Variants in ZFHX3 observed in about 807,000 individuals in gnomAD.
ZFHX3 encodes the protein zinc finger homeobox protein 3.
In ZFHX3, 42 loss-of-function variants were observed where a neutral mutation model predicts 279.1. That is an observed-to-expected ratio of 0.15 (90% CI 0.12 to 0.19). The LOEUF is 0.19. Ranked by LOEUF, ZFHX3 falls within the 10% of genes least tolerant of loss-of-function variation. The pLI is 1.00. For synonymous variants in ZFHX3, 2,293 were observed against 1,957.8 expected (o/e 1.17, Z -4.52); for missense variants, 4,981 against 4,754.0 (o/e 1.05, Z -1.40).
chr16:73,447,180 C>CAAA lies in ZFHX3; in HGVS notation c.-1291+8820_-1291+8822dup, dbSNP rs61445002. Among the ~76,000 whole-genome samples the CAAA allele has an allele frequency of 2.3e-3, 207 of 90,558 alleles. 1 individual carries two copies. Among genetic ancestry groups the CAAA allele is most frequent in the African/African-American group, 7.0e-3 (199 of 28,308 alleles). 59.4% of individuals were successfully genotyped at this position (90,558 alleles called of 152,430 possible). A position where few individuals can be genotyped will look rare whatever the true frequency, so the allele number is the denominator to read the frequency against. The stretch of plus-strand genomic sequence containing the variant: ...TGGGCAACAGAGCAAGACTCCATCT[C>CAAA]AAAAAAAAAAAAAAAAATGTAAAAC... On this transcript the variant is annotated intron_variant, in intron 3 of 17. Transcript: ENST00000641206.
intron 6 of ZFHX3, among the ~76,000 whole-genome samples, chr16:73,139,149 A>T (rs1461062518): frequency 6.6e-6 from 1 of 151,564 alleles, no homozygotes; most frequent in African/African-American, 2.4e-5. Context: ...TTCATTGTTT[A>T]CAACATCACT....
chr16:73,212,218 C>G lies in ZFHX3; in HGVS notation c.-1104+44829G>C, dbSNP rs137996551. Among the ~76,000 whole-genome samples, 168 of 150,978 alleles carry G rather than the reference C, an allele frequency of 1.1e-3. 1 individual carries two copies. The East Asian group carries it at 0.018, about 16-fold the overall frequency. Reference sequence around the variant, plus strand: ...ACTACCCTGAGATCACAGCTATAAACTTTGGTGACAACTTATTAGCCTGTT... The same window carrying G: ...ACTACCCTGAGATCACAGCTATAAAGTTTGGTGACAACTTATTAGCCTGTT... On this transcript the variant is annotated intron_variant, in intron 5 of 17. Coordinates refer to the ZFHX3 transcript ENST00000641206.
intron 5 of ZFHX3, among the ~76,000 whole-genome samples, chr16:73,202,406 T>C (rs947708156): frequency 2.0e-5 from 3 of 152,236 alleles, no homozygotes; most frequent in Non-Finnish European, 4.4e-5. Context: ...GAAGAAAATA[T>C]GAACCTCACC....
At chr16:73,563,039 A>T (rs1404873504) in intron 2 of ZFHX3, among the ~76,000 whole-genome samples, 2 of 152,124 alleles carry the variant, frequency 1.3e-5, no homozygotes, top group Non-Finnish European at 2.9e-5. Context: ...GCTCTGGAAA[A>T]TTTCAGTTAA....
chr16:73,768,398 A>G (rs2053978450), intron 1 of ZFHX3, among the ~76,000 whole-genome samples: 1 of 152,192 alleles, frequency 6.6e-6, no homozygotes, highest in Non-Finnish European at 1.5e-5. Context: ...GTTATTACTC[A>G]ATGTTACTTT....
chr16:73,135,043 T>A (rs561877024), intron 6 of ZFHX3, among the ~76,000 whole-genome samples: 1 of 152,296 alleles, frequency 6.6e-6, no homozygotes, highest in Admixed American at 6.5e-5. Flanking sequence ...TACTGCATCA[T>A]TACTTAGTAA....
At chr16:73,201,196 G>T (rs1053793523) in intron 5 of ZFHX3, among the ~76,000 whole-genome samples, 1 of 152,208 alleles carries the variant, frequency 6.6e-6, no homozygotes, top group Non-Finnish European at 1.5e-5. Flanking sequence ...TTGGCAATGG[G>T]GGGGCTCTGT....
At chr16:73,189,286 G>A (rs1032384712) in intron 5 of ZFHX3, among the ~76,000 whole-genome samples, 9 of 152,156 alleles carry the variant, frequency 5.9e-5, no homozygotes, top group African/African-American at 1.9e-4. Flanking sequence ...AACCCTTTCC[G>A]GGCATGCCAA....
rs2035839423 is a variant in ZFHX3, at chr16:72,794,774, T to C, written c.7908A>G (p.Glu2636=). 6.2e-7 allele frequency: 1 copy of C among 1,614,230 alleles called. No individual in the cohort carries two copies. Among genetic ancestry groups the C allele is most frequent in the African/African-American group, 1.3e-5 (1 of 75,070 alleles). The change falls in exon 9 of 10, where the codon GAA becomes GAG. Residue 2636 remains glutamate, a synonymous_variant. Transcript: ENST00000268489. This position sits in a 1 kb window ranked among gnomAD's most constrained non-coding sequence, Gnocchi z 4.2. ...PGENDSGTGG[E]EPQRDKRLRT... is the part of the protein sequence containing the mutation. Reference sequence around the variant, plus strand: ...TCAAACGCTTGTCTCTCTGAGGCTCTTCTCCTCCTGTCCCACTGTCGTTTT... The same window carrying C: ...TCAAACGCTTGTCTCTCTGAGGCTCCTCTCCTCCTGTCCCACTGTCGTTTT...
At chr16:73,628,073 C>G (rs773920667) in intron 2 of ZFHX3, among the ~76,000 whole-genome samples, 2 of 152,140 alleles carry the variant, frequency 1.3e-5, no homozygotes, top group Non-Finnish European at 2.9e-5. Context: ...GTAACCAGAT[C>G]CTAGCACAAT....
upstream of ZFHX3, among the ~76,000 whole-genome samples, chr16:73,051,611 C>T (rs551294828): frequency 1.3e-5 from 2 of 152,210 alleles, no homozygotes; most frequent in Admixed American, 6.5e-5. Context: ...CTTACCCACC[C>T]TCCCCAGCTC....
intron 4 of ZFHX3, among the ~76,000 whole-genome samples, chr16:72,864,956 G>C (rs1286542500): frequency 3.3e-5 from 5 of 152,248 alleles, no homozygotes; most frequent in Admixed American, 6.5e-5. Flanking sequence ...ATGTGGGCCA[G>C]TGCATTTCCA....
At chr16:73,478,382 A>C (rs1329809134) in intron 2 of ZFHX3, among the ~76,000 whole-genome samples, 1 of 152,068 alleles carries the variant, frequency 6.6e-6, no homozygotes, top group Admixed American at 6.5e-5. Context: ...CAACTGAGCT[A>C]TCCAGGCTTC....
chr16:73,307,763 C>T (rs8047988), intron 4 of ZFHX3, among the ~76,000 whole-genome samples: 56,038 of 151,940 alleles, frequency 0.37, 11,796 homozygotes, highest in African/African-American at 0.58. Context: ...TTTATACCCA[C>T]GAGGTGATGA....
intron 2 of ZFHX3, among the ~76,000 whole-genome samples, chr16:73,581,463 T>C (rs2051859683): frequency 6.6e-6 from 1 of 151,740 alleles, no homozygotes; most frequent in South Asian, 2.1e-4. Context: ...TTTGCAGGAA[T>C]AAAAATTGTT....
chr16:73,108,342 AAGAG>A (rs1047929074), intron 7 of ZFHX3, among the ~76,000 whole-genome samples: 2 of 151,720 alleles, frequency 1.3e-5, no homozygotes, highest in South Asian at 2.1e-4. Context: ...TTAAAAAAAA[AAGAG>A]AGAGAGAGAA....
At chr16:73,530,471 C>G (rs527979049) in intron 2 of ZFHX3, among the ~76,000 whole-genome samples, 33 of 152,220 alleles carry the variant, frequency 2.2e-4, no homozygotes, top group Admixed American at 5.2e-4. Flanking sequence ...TTCTCTCATT[C>G]CAAAAGTTAC....
intron 8 of ZFHX3, among the ~76,000 whole-genome samples, chr16:73,089,280 T>C (rs1966044310): frequency 6.6e-6 from 1 of 152,048 alleles, no homozygotes; most frequent in East Asian, 1.9e-4. Context: ...ATTTTTGTAT[T>C]TTTAATAAAG....
chr16:72,908,597 A>G (rs1308488842), intron 3 of ZFHX3, among the ~76,000 whole-genome samples: 4 of 152,166 alleles, frequency 2.6e-5, no homozygotes, highest in Non-Finnish European at 4.4e-5. Flanking sequence ...ACCTGTTAGG[A>G]GGACTGGCTT....
Sources: gnomAD v4.1 joint callset for allele counts (sites outside exome capture counted in the v4.1 genomes callset) on GRCh38, gnomAD v4.1.1 for gene constraint, Gnocchi (gnomAD v3.1) non-coding constraint, MANE v1.5 for transcripts, NCBI Gene and HGNC (gene_info 2026-07-23, HGNC 2026-07-21) for gene names.